The following PRKG1 variants were observed in gnomAD, a reference collection of about 807,000 sequenced individuals.
The protein encoded by PRKG1 is protein kinase cGMP-dependent 1, also known as cGMP-dependent protein kinase 1.
In PRKG1, 35 loss-of-function variants were observed where a neutral mutation model predicts 88.1. The observed-to-expected ratio is 0.40, with a 90% CI of 0.30 to 0.53. The LOEUF is 0.53. PRKG1 is among the 20% of genes least tolerant of loss of function. The pLI, the probability that PRKG1 is intolerant of heterozygous loss-of-function variation, is 0.59. For missense variants in PRKG1, 540 were observed against 839.8 expected (o/e 0.64, Z 4.41); for synonymous variants, 303 against 292.5 (o/e 1.04, Z -0.37).
intron 2 of PRKG1, among the ~76,000 whole-genome samples, chr10:51,461,753 G>GA (rs1214910043): frequency 1.3e-5 from 2 of 152,144 alleles, no homozygotes; most frequent in Non-Finnish European, 2.9e-5. Flanking sequence ...AGTGGCTTAA[G>GA]AAAGACATAT....
intron 1 of PRKG1, among the ~76,000 whole-genome samples, chr10:51,079,810 A>G (rs1327084984): frequency 3.3e-5 from 5 of 152,174 alleles, no homozygotes; most frequent in South Asian, 2.1e-4. Flanking sequence ...AGTCGTAACT[A>G]TATAACTAGG....
chr10:51,377,311 AAATAAGGTT>A (rs1403253321), intron 2 of PRKG1, among the ~76,000 whole-genome samples: 1 of 152,212 alleles, frequency 6.6e-6, no homozygotes, highest in African/African-American at 2.4e-5. Flanking sequence ...GTTATCTGTA[AAATAAGGTT>A]AATAAGAATA....
chr10:51,841,025 TAGA>T (rs2132777044), intron 4 of PRKG1, among the ~76,000 whole-genome samples: 1 of 152,346 alleles, frequency 6.6e-6, no homozygotes, highest in Non-Finnish European at 1.5e-5. Context: ...AGATCACCAA[TAGA>T]TGAATGATTT....
chr10:51,042,708 G>A (rs1214122273), intron 1 of PRKG1, among the ~76,000 whole-genome samples: 1 of 152,108 alleles, frequency 6.6e-6, no homozygotes, highest in Non-Finnish European at 1.5e-5. Context: ...ACTGGACTTG[G>A]GATGGCTCTG....
At chr10:52,253,817 T>C (rs1439208053) in intron 10 of PRKG1, among the ~76,000 whole-genome samples, 1 of 151,934 alleles carries the variant, frequency 6.6e-6, no homozygotes, top group African/African-American at 2.4e-5. Context: ...TGCTGAGTGA[T>C]AAATTCAAAA....
intron 5 of PRKG1, among the ~76,000 whole-genome samples, chr10:51,993,610 C>T (rs920243892): frequency 5.9e-5 from 9 of 152,146 alleles, no homozygotes; most frequent in Non-Finnish European, 1.2e-4. Flanking sequence ...CTGGGTCATA[C>T]TGAGGATTCA....
chr10:51,442,154 A>G (rs1003234099), intron 2 of PRKG1, among the ~76,000 whole-genome samples: 13 of 151,942 alleles, frequency 8.6e-5, no homozygotes, highest in Admixed American at 8.5e-4. Context: ...AGTATTCACT[A>G]ATCAATCACT....
intron 3 of PRKG1, among the ~76,000 whole-genome samples, chr10:51,569,246 C>A (rs1453348758): frequency 1.3e-5 from 2 of 151,946 alleles, no homozygotes; most frequent in East Asian, 3.9e-4. Context: ...TTTTCTCCAG[C>A]AAACCTTTGT....
intron 6 of PRKG1, among the ~76,000 whole-genome samples, chr10:52,055,808 C>G (rs988604193): frequency 1.3e-5 from 2 of 152,234 alleles, no homozygotes; most frequent in Admixed American, 1.3e-4. Context: ...TTTATTTCCT[C>G]TAATTTAACA....
chr10:51,905,427 T>C (rs1294177320), intron 4 of PRKG1, among the ~76,000 whole-genome samples: 1 of 152,174 alleles, frequency 6.6e-6, no homozygotes, highest in Non-Finnish European at 1.5e-5. Context: ...ATGGTATCAT[T>C]GTAATCAAGC....
chr10:51,183,715 A>G (rs1362586584), intron 2 of PRKG1, among the ~76,000 whole-genome samples: 2 of 152,088 alleles, frequency 1.3e-5, no homozygotes, highest in Admixed American at 1.3e-4. Flanking sequence ...ATATATCTGT[A>G]TATTAATCTG....
intron 7 of PRKG1, among the ~76,000 whole-genome samples, chr10:52,089,945 G>A (rs1192451382): frequency 6.6e-6 from 1 of 151,198 alleles, no homozygotes; most frequent in Non-Finnish European, 1.5e-5. Context: ...CTCCCGAGTA[G>A]CTGGAACTAC....
intron 3 of PRKG1, among the ~76,000 whole-genome samples, chr10:51,583,378 G>A (rs554624074): frequency 2.0e-5 from 3 of 152,022 alleles, no homozygotes; most frequent in African/African-American, 7.2e-5. Context: ...TTTCAGACTC[G>A]AATTCTGCTA....
chr10:51,225,507 T>G (rs1033906676), intron 2 of PRKG1, among the ~76,000 whole-genome samples: 4 of 152,260 alleles, frequency 2.6e-5, no homozygotes, highest in Admixed American at 2.6e-4. Flanking sequence ...TTTGCTTGTT[T>G]AATATGCTTC....
At chr10:52,277,493 G>T (rs551124189) in intron 12 of PRKG1, among the ~76,000 whole-genome samples, 1 of 152,182 alleles carries the variant, frequency 6.6e-6, no homozygotes, top group East Asian at 1.9e-4. Context: ...TGTGTACCAG[G>T]CACTTATTTT....
intron 3 of PRKG1, chr10:51,697,967 A>G: frequency 4.4e-6 from 7 of 1,603,684 alleles, no homozygotes; most frequent in Non-Finnish European, 6.0e-6. Flanking sequence ...TGCCCCCTGC[A>G]TCCCTCCTCC....
intron 7 of PRKG1, among the ~76,000 whole-genome samples, chr10:52,108,577 A>G (rs975384654): frequency 7.9e-5 from 12 of 152,198 alleles, no homozygotes; most frequent in African/African-American, 2.4e-4. Context: ...TCAGTATACT[A>G]TAAATAATCA....
At chr10:51,281,054 T>C (rs566391521) in intron 2 of PRKG1, among the ~76,000 whole-genome samples, 19 of 152,234 alleles carry the variant, frequency 1.2e-4, no homozygotes, top group Non-Finnish European at 2.4e-4. Flanking sequence ...GTGGATGTCC[T>C]TTCTGTTTGT....
chr10:51,073,548 C>T (rs1361652333), upstream of PRKG1, among the ~76,000 whole-genome samples: 2 of 152,096 alleles, frequency 1.3e-5, no homozygotes, highest in Non-Finnish European at 2.9e-5. Context: ...TTCCCAGGCA[C>T]CAGCTCAAGG....
Sources: gnomAD v4.1 joint callset for allele counts (sites outside exome capture counted in the v4.1 genomes callset) on GRCh38, gnomAD v4.1.1 for gene constraint, MANE v1.5 for transcripts, NCBI Gene and HGNC (gene_info 2026-07-23, HGNC 2026-07-21) for gene names.